The following ZCCHC10 variants were observed in gnomAD, a reference collection of about 807,000 sequenced individuals.
ZCCHC10 encodes the protein zinc finger CCHC domain-containing protein 10.
In ZCCHC10, 16 loss-of-function variants were observed where a neutral mutation model predicts 19.5. The observed-to-expected ratio is 0.82, with a 90% CI of 0.56 to 1.25. The LOEUF is 1.25. Ranked by LOEUF, ZCCHC10 falls within the 50% of genes most tolerant of loss-of-function variation. The probability of loss-of-function intolerance (pLI) is 0.00; values close to 1 mark genes in which losing one functional copy is unlikely to be tolerated. For synonymous variants in ZCCHC10, 67 were observed against 72.5 expected (o/e 0.92, Z 0.38); for missense variants, 197 against 201.0 (o/e 0.98, Z 0.12).
intron 2 of ZCCHC10, among the ~76,000 whole-genome samples, chr5:133,014,790 G>A (rs1200142859): frequency 1.3e-5 from 2 of 152,198 alleles, no homozygotes; most frequent in Admixed American, 1.3e-4. Flanking sequence ...GAATGACCAA[G>A]ACCATCAGTT....
At chr5:133,025,087 C>G (rs969932015) in intron 1 of ZCCHC10, among the ~76,000 whole-genome samples, 2 of 152,052 alleles carry the variant, frequency 1.3e-5, no homozygotes, top group Non-Finnish European at 2.9e-5. Flanking sequence ...TACAGATAAA[C>G]ACACATACAT....
intron 3 of ZCCHC10, chr5:133,003,164 T>A: frequency 3.0e-6 from 1 of 338,452 alleles, no homozygotes; most frequent in Non-Finnish European, 5.8e-6. Flanking sequence ...GCGAAGTTGA[T>A]CCCCCTTTTT....
intron 3 of ZCCHC10, among the ~76,000 whole-genome samples, chr5:133,004,210 C>T (rs566864736): frequency 1.8e-4 from 26 of 148,146 alleles, no homozygotes; most frequent in African/African-American, 4.0e-4. Flanking sequence ...GTTTCGCTCT[C>T]GTTGCCTAGG....
chr5:133,020,588 C>T (rs1369653909), intron 2 of ZCCHC10, among the ~76,000 whole-genome samples: 1 of 146,152 alleles, frequency 6.8e-6, no homozygotes, highest in East Asian at 2.0e-4. Context: ...TACAACTACA[C>T]GCTAGCCTGT....
intron 2 of ZCCHC10, among the ~76,000 whole-genome samples, chr5:133,014,593 AG>A (rs1349079379): frequency 2.6e-5 from 4 of 152,212 alleles, no homozygotes; most frequent in Non-Finnish European, 5.9e-5. Flanking sequence ...AGAGTTCCTC[AG>A]TCACGTCTTG....
chr5:133,018,162 A>G lies in ZCCHC10; in HGVS notation c.107+4679T>C, dbSNP rs201508798. Reference sequence around the variant, plus strand: ...TCTGTCTCAAAAAAAAAAAAAAAAAAGACAAAATTAAACTCTAGTGCACAG... The same window carrying G: ...TCTGTCTCAAAAAAAAAAAAAAAAAGGACAAAATTAAACTCTAGTGCACAG... On this transcript the variant is annotated intron_variant, in intron 2 of 4. Transcript: ENST00000509437. Among the ~76,000 whole-genome samples the G allele has an allele frequency of 1.3e-3, 190 of 150,162 alleles. 1 individual carries two copies. The East Asian group carries it at 0.029, about 23-fold the overall frequency.
chr5:133,017,580 G>A (rs1044340417), intron 2 of ZCCHC10, among the ~76,000 whole-genome samples: 2 of 151,972 alleles, frequency 1.3e-5, no homozygotes, highest in Admixed American at 6.6e-5. Context: ...ATGTTTCCTA[G>A]GCTGGTTTCA....
At chr5:133,023,461 CTT>C (rs34960372) in intron 1 of ZCCHC10, among the ~76,000 whole-genome samples, 325 of 135,448 alleles carry the variant, frequency 2.4e-3, no homozygotes, top group African/African-American at 1.9e-3. Context: ...GTCCAAAGAC[CTT>C]TTTTTTTTTT....
rs539126159 is a variant in ZCCHC10, at chr5:133,026,448, T to A, written c.41+49A>T. ...TCCGACACCAGCCCGTTGACGCGCGTTTCCCCGCTCCCAGCCCTCCAGTGG... is the reference window on the plus strand; with the variant it reads ...TCCGACACCAGCCCGTTGACGCGCGATTCCCCGCTCCCAGCCCTCCAGTGG... On this transcript the variant is annotated intron_variant, in intron 1 of 4. Coordinates refer to ENST00000509437, the MANE Select transcript of ZCCHC10 (RefSeq NM_001300816.3). 6 of 1,607,476 alleles carry A rather than the reference T, an allele frequency of 3.7e-6. No homozygotes were observed. The East Asian group carries it at 6.7e-5, about 18-fold the overall frequency.
At chr5:133,022,662 A>C (rs1764396348) in intron 2 of ZCCHC10, among the ~76,000 whole-genome samples, 179 bp downstream of exon 2, 1 of 152,142 alleles carries the variant, frequency 6.6e-6, no homozygotes, top group East Asian at 1.9e-4. Flanking sequence ...CATGTTGGCC[A>C]GGATGGTCTC....
intron 2 of ZCCHC10, among the ~76,000 whole-genome samples, chr5:133,020,035 C>T (rs181712360): frequency 1.6e-4 from 24 of 148,710 alleles, no homozygotes; most frequent in African/African-American, 4.5e-4. Flanking sequence ...AGAATCCAAA[C>T]AATAGAGCAA....
chr5:133,011,892 G>A (rs1488580858), intron 2 of ZCCHC10, among the ~76,000 whole-genome samples: 1 of 152,026 alleles, frequency 6.6e-6, no homozygotes, highest in South Asian at 2.1e-4. Flanking sequence ...CGCTCTGGGA[G>A]GCCAAGGTAG....
chr5:133,018,616 C>T (rs1279473843), intron 2 of ZCCHC10, among the ~76,000 whole-genome samples: 1 of 152,142 alleles, frequency 6.6e-6, no homozygotes, highest in African/African-American at 2.4e-5. Context: ...CCAGGCTAGT[C>T]TTGAACTCCT....
chr5:132,998,683 G>T lies in ZCCHC10; in HGVS notation c.479C>A (p.Ser160Tyr), dbSNP rs1205062492. 2 of 1,614,144 alleles carry T rather than the reference G, an allele frequency of 1.2e-6. No individual in the cohort carries two copies. The highest frequency in any genetic ancestry group is 4.5e-5 in the East Asian group (2 of 44,886). ...GCTGGAATCTGAGTCTGAATCAGAG[G>T]AGGAGGAAGAGGTTGTGGAGGAGGC... ...SSASSTTSSS[S>Y]SDSDSDSSSS... The change falls in exon 5 of 5, where the codon TCC (serine) becomes TAC (tyrosine). Residue 160 changes from serine (S) to tyrosine (Y), a missense_variant. Physicochemically the swap from Ser to Tyr is moderately radical, Grantham distance 144. Coordinates refer to ENST00000509437, the MANE Select transcript of ZCCHC10 (RefSeq NM_001300816.3).
intron 1 of ZCCHC10, among the ~76,000 whole-genome samples, chr5:133,023,698 G>C (rs766765633): frequency 2.6e-5 from 4 of 151,700 alleles, no homozygotes; most frequent in Non-Finnish European, 5.9e-5. Flanking sequence ...TTGAACCTGG[G>C]AGGTGGAGGT....
At chr5:133,023,148 G>T (rs759767207) in intron 1 of ZCCHC10, among the ~76,000 whole-genome samples, 15 of 152,046 alleles carry the variant, frequency 9.9e-5, no homozygotes, top group Non-Finnish European at 1.6e-4. Context: ...AACACAACAG[G>T]CCACTTCAGG....
intron 4 of ZCCHC10, 60 bp from the exon 5 acceptor site, chr5:132,998,910 C>G: frequency 6.4e-7 from 1 of 1,567,740 alleles, no homozygotes. Flanking sequence ...ATGTTAAAAG[C>G]AATTTCATTT....
In ZCCHC10 at chr5:132,998,774, T is replaced by C. The variant is rs139067033; in HGVS notation, c.388A>G (p.Thr130Ala). The C allele has an allele frequency of 5.6e-5, 91 of 1,614,070 alleles. No individual in the cohort carries two copies. The highest frequency in any genetic ancestry group is 6.9e-5 in the Non-Finnish European group (82 of 1,180,050). ...ASDSSSESEE[T>A]STSSSSEDSD... ...TCCTCTGAGGAGGAAGAGGTAGATG[T>C]TTCTTCACTCTCTGATGAAGAATCA... Residue 130 changes from threonine to alanine, a missense_variant, in exon 5 of 5, where the codon ACA becomes GCA. Coordinates refer to ENST00000509437, the MANE Select transcript of ZCCHC10 (RefSeq NM_001300816.3).
chr5:133,007,488 A>G (rs1763197525), intron 2 of ZCCHC10, among the ~76,000 whole-genome samples: 1 of 151,682 alleles, frequency 6.6e-6, no homozygotes, highest in South Asian at 2.1e-4. Flanking sequence ...GCTTGCAGTG[A>G]GCCAAGGTTG....
Sources: gnomAD v4.1 joint callset for allele counts (sites outside exome capture counted in the v4.1 genomes callset) on GRCh38, gnomAD v4.1.1 for gene constraint, MANE v1.5 for transcripts, NCBI Gene and HGNC (gene_info 2026-07-23, HGNC 2026-07-21) for gene names.